KLK4: variants seen among roughly 807,000 people sequenced by gnomAD.
The protein encoded by KLK4 is kallikrein related peptidase 4.
In KLK4, 24 loss-of-function variants were observed where a neutral mutation model predicts 24.3. The observed-to-expected ratio is 0.99, with a 90% CI of 0.72 to 1.39. The LOEUF is 1.39. KLK4 is among the 40% of genes most tolerant of loss of function. The pLI, the probability that KLK4 is intolerant of heterozygous loss-of-function variation, is 0.00. For missense variants in KLK4, 344 were observed against 327.4 expected, an observed-to-expected ratio of 1.05 and a Z score of -0.39; for synonymous variants, 142 against 138.8, an observed-to-expected ratio of 1.02 and a Z score of -0.16.
Position 50,907,065 on chromosome 19 carries a change from T to A in KLK4, c.634A>T (p.Ile212Phe), listed in dbSNP as rs534524161. 2.5e-6 allele frequency: 4 copies of A among 1,614,110 alleles called. No homozygotes were observed. In the South Asian group the frequency reaches 4.4e-5, roughly 18 times the overall value. The change falls in exon 6 of 6, where the codon ATC becomes TTC. Residue 212 changes from isoleucine (I) to phenylalanine (F), a missense_variant. Coordinates refer to ENST00000324041, the Ensembl canonical transcript of KLK4. ...AGGCCCTGCAAGTACCCGTTGCAGA[T>A]CAGGGGCCCCCCAGAGTCACCCTGT... is the stretch of plus-strand genomic sequence containing the variant.
At chr19:50,908,541 C>T in intron 4 of KLK4, 38 bp downstream of exon 4, 3 of 1,614,198 alleles carry the variant, frequency 1.9e-6, no homozygotes, top group Non-Finnish European at 2.5e-6. Flanking sequence ...GGGCAGAGGA[C>T]CTCCTTGAAG....
chr19:50,908,511 C>T lies in KLK4; in HGVS notation c.476-16G>A, dbSNP rs1469337966. 27 of 1,614,194 alleles carry T rather than the reference C, an allele frequency of 1.7e-5. No individual in the cohort carries two copies. The highest frequency in any genetic ancestry group is 2.3e-5 in the Non-Finnish European group (27 of 1,180,040). On this transcript the variant is annotated splice_polypyrimidine_tract_variant and intron_variant, in intron 4 of 5. Coordinates refer to ENST00000324041, the Ensembl canonical transcript of KLK4. ...GGCATTCTGCCTGGGACGCAGAGCT[C>T]TGGGTCAGCCCCCGCGACTGGGCAG...
In KLK4 at chr19:50,908,757, G is replaced by T. The variant is rs45623731; in HGVS notation, c.297C>A (p.Ala99=). ...ACTCTGGGTGCCGTACGGAGAGGCT[G>T]GCCTCCACCATCTGGCTCCCTGGCT... The change falls in exon 4 of 6, where the codon GCC becomes GCA. Residue 99 remains alanine, a synonymous_variant. Coordinates refer to ENST00000324041, the Ensembl canonical transcript of KLK4. 12,726 of 1,614,078 alleles carry T rather than the reference G, an allele frequency of 7.9e-3. 71 individuals carry two copies. Among genetic ancestry groups the T allele is most frequent in the Non-Finnish European group, 9.3e-3 (10,960 of 1,180,000 alleles).
chr19:50,909,115 TC>T, intron 3 of KLK4, 136 bp downstream of exon 3: 1 of 1,546,218 alleles, frequency 6.5e-7, no homozygotes. Context: ...CCTCTGGGGC[TC>T]CCCGGATCCA....
At chr19:50,907,676 G>A (rs923410107) in intron 5 of KLK4, among the ~76,000 whole-genome samples, 9 of 152,162 alleles carry the variant, frequency 5.9e-5, no homozygotes, top group African/African-American at 1.9e-4. Context: ...AAAGTGCTGG[G>A]ATTACAGGCA....
intron 2 of KLK4, among the ~76,000 whole-genome samples, 173 bp from the exon 3 acceptor site, chr19:50,909,587 G>A (rs911583727): frequency 7.3e-5 from 11 of 150,848 alleles, no homozygotes; most frequent in Admixed American, 1.3e-4. Flanking sequence ...TTGGGGGAGG[G>A]GTTACCGAGC....
chr19:50,906,952 T>C (rs774600128), exon 6 of KLK4: 1 of 1,614,148 alleles, frequency 6.2e-7, no homozygotes, highest in Non-Finnish European at 8.5e-7. Flanking sequence ...CCTGGACGGT[T>C]TTCTCTATCC....
Position 50,908,823 on chromosome 19 carries a change from G to C in KLK4, c.231C>G (p.Tyr77Ter), listed in dbSNP as rs2123514285. ...GACTGTGCAGGCCCAGCCCGATGGTGTAGGAGCTGTGGGCCACGGAGGGCA... is the reference window on the plus strand; with the variant it reads ...GACTGTGCAGGCCCAGCCCGATGGTCTAGGAGCTGTGGGCCACGGAGGGCA... Residue 77 changes from tyrosine (Y) to a stop codon, truncating the protein, a stop_gained, in exon 4 of 6, where the codon TAC becomes TAG. Transcript: ENST00000324041. LOFTEE classifies it high-confidence loss of function. 6.2e-7 allele frequency: 1 copy of C among 1,612,368 alleles called. No homozygotes were observed. Among genetic ancestry groups the C allele is most frequent in the Non-Finnish European group, 8.5e-7 (1 of 1,180,008 alleles).
chr19:50,907,822 C>G (rs2090447375), intron 5 of KLK4, among the ~76,000 whole-genome samples: 1 of 152,134 alleles, frequency 6.6e-6, no homozygotes, highest in African/African-American at 2.4e-5. Flanking sequence ...TTGAACTGCA[C>G]AAGTCCACTT....
At chr19:50,911,137 T>C (rs2123519822) in intron 1 of KLK4, among the ~76,000 whole-genome samples, 1 of 152,136 alleles carries the variant, frequency 6.6e-6, no homozygotes, top group Non-Finnish European at 1.5e-5. Flanking sequence ...GTCTGAGAGT[T>C]AGACATGGAG....
chr19:50,908,055 G>A, intron 5 of KLK4: 1 of 475,008 alleles, frequency 2.1e-6, no homozygotes. Flanking sequence ...GGAGTCAAAA[G>A]TTATAAGAGG....
At chr19:50,908,773 C>T (rs1243042556) in exon 4 of KLK4, 1 of 1,612,444 alleles carries the variant, frequency 6.2e-7, no homozygotes. Context: ...CACCATCTGG[C>T]TCCCTGGCTC....
At position 50,908,679 on chromosome 19, in the gene KLK4, G is replaced by A. The variant is rs746585228; in HGVS notation, c.375C>T (p.Ser125=). ...TCCGGATGGTGTCAGACTCGGACAC[G>A]GATTCGTCCAACTTGATGAGCATGA... The change falls in exon 4 of 6, where the codon TCC becomes TCT. Residue 125 remains serine (S), a synonymous_variant. Transcript: ENST00000324041. 2.5e-6 allele frequency: 4 copies of A among 1,614,180 alleles called. No individual in the cohort carries two copies. In the South Asian group the frequency reaches 3.3e-5, roughly 13 times the overall value.
At chr19:50,909,643 C>A (rs1393942346) in intron 2 of KLK4, among the ~76,000 whole-genome samples, 3 of 146,478 alleles carry the variant, frequency 2.0e-5, no homozygotes, top group African/African-American at 7.7e-5. Context: ...TCTTGGGGGG[C>A]CGAGTCAGGG....
intron 1 of KLK4, among the ~76,000 whole-genome samples, 165 bp downstream of exon 1, chr19:50,911,174 C>T (rs901367813): frequency 4.6e-5 from 7 of 152,178 alleles, no homozygotes; most frequent in Non-Finnish European, 8.8e-5. Flanking sequence ...ACAGAGAGAC[C>T]CCTAACTAGA....
chr19:50,907,948 T>C (rs1220125861), intron 5 of KLK4: 3 of 295,730 alleles, frequency 1.0e-5, no homozygotes, highest in Admixed American at 4.8e-5. Context: ...CCAACAAAGG[T>C]ATATCATGAA....
chr19:50,910,862 A>G lies in KLK4; in HGVS notation c.-11-113T>C. ...TCTGGGACGTTATTAGGTAGGCAAG[A>G]GCCTAGACCATCTACCCCCTCTCCC... On this transcript the variant is annotated intron_variant, in intron 1 of 5. Coordinates refer to ENST00000324041, the Ensembl canonical transcript of KLK4. This position sits in a 1 kb window ranked among gnomAD's most constrained non-coding sequence, Gnocchi z 4.4. 1 of 878,054 alleles carries G rather than the reference A, an allele frequency of 1.1e-6. No individual in the cohort carries two copies. Among genetic ancestry groups the G allele is most frequent in the Non-Finnish European group, 1.9e-6 (1 of 539,876 alleles). The allele number at this position is 878,054 out of a possible 1,614,324, so 54.4% of individuals were successfully genotyped here.
chr19:50,908,886 T>G, intron 3 of KLK4, 57 bp from the exon 4 acceptor site: 1 of 1,599,414 alleles, frequency 6.3e-7, no homozygotes, highest in South Asian at 1.1e-5. Context: ...ACCTCCATTC[T>G]CATCTTCAAC....
chr19:50,908,972 C>G, intron 3 of KLK4, 143 bp from the exon 4 acceptor site: 1 of 1,510,812 alleles, frequency 6.6e-7, no homozygotes, highest in Non-Finnish European at 8.8e-7. Context: ...TAACCATGGT[C>G]TCAAATCCTC....
Sources: gnomAD v4.1 joint callset for allele counts (sites outside exome capture counted in the v4.1 genomes callset) on GRCh38, gnomAD v4.1.1 for gene constraint, Gnocchi (gnomAD v3.1) non-coding constraint, MANE v1.5 for transcripts, NCBI Gene and HGNC (gene_info 2026-07-23, HGNC 2026-07-21) for gene names.